The following MAMDC2 variants were observed in gnomAD, a reference collection of about 807,000 sequenced individuals.
MAMDC2 encodes MAM domain containing 2, also known as MAM domain-containing protein 2.
MAMDC2 carries 57 observed loss-of-function variants against 89.8 expected under a neutral mutation model. The observed-to-expected ratio is 0.63, with a 90% CI of 0.51 to 0.79. The LOEUF is 0.79. Among genes scored for constraint, MAMDC2 ranks in the 30% least tolerant of loss-of-function variants. The pLI is 0.00. For synonymous variants in MAMDC2, 313 were observed against 293.4 expected, an observed-to-expected ratio of 1.07 and a Z score of -0.68; for missense variants, 800 against 820.6, an observed-to-expected ratio of 0.97 and a Z score of 0.31.
intron 11 of MAMDC2, among the ~76,000 whole-genome samples, chr9:70,177,241 AG>A (rs1352504986): frequency 6.6e-6 from 1 of 152,170 alleles, no homozygotes; most frequent in Non-Finnish European, 1.5e-5. Flanking sequence ...AATAAAATAA[AG>A]GTTACTTGGA....
At chr9:70,117,769 T>C (rs549430248) in intron 5 of MAMDC2, among the ~76,000 whole-genome samples, 1 of 144,504 alleles carries the variant, frequency 6.9e-6, no homozygotes, top group East Asian at 2.2e-4. Context: ...CTGGGGAAAC[T>C]CTGCATTAAA....
rs913121871 is a variant in MAMDC2, at chr9:70,072,791, CA to C, written c.148+28101del. ...AAAAAAGTACACTAAAAATTAAAGG[CA>C]AAAAAAGCAAATTTTTTTTAAAAAA... On this transcript the variant is annotated intron_variant, in intron 2 of 13. Coordinates refer to ENST00000377182, the MANE Select transcript of MAMDC2 (RefSeq NM_153267.5). Among the ~76,000 whole-genome samples the C allele has an allele frequency of 6.6e-5, 10 of 151,864 alleles. No homozygotes were observed. The East Asian group carries it at 1.9e-3, about 29-fold the overall frequency.
At chr9:70,079,382 G>A (rs1367914115) in intron 2 of MAMDC2, 2 of 152,148 alleles carry the variant, frequency 1.3e-5, no homozygotes, top group Non-Finnish European at 2.9e-5. Context: ...ACAAATTCAT[G>A]ACATTATAAA....
chr9:70,090,159 A>G (rs531731878), intron 2 of MAMDC2, among the ~76,000 whole-genome samples: 1 of 151,798 alleles, frequency 6.6e-6, no homozygotes, highest in East Asian at 1.9e-4. Flanking sequence ...ACATAAAAAT[A>G]TCAGTGGCTT....
chr9:70,068,725 C>CAAAAAA (rs34946038), intron 2 of MAMDC2, among the ~76,000 whole-genome samples: 5 of 99,742 alleles, frequency 5.0e-5, no homozygotes, highest in Admixed American at 2.5e-4. Context: ...CCCTCCATCA[C>CAAAAAA]AAAAAAAAAA....
chr9:70,145,382 C>T (rs1002978654), intron 9 of MAMDC2, among the ~76,000 whole-genome samples: 4 of 152,188 alleles, frequency 2.6e-5, no homozygotes, highest in African/African-American at 9.7e-5. Context: ...GCCTTTCTTC[C>T]TATAAATGTC....
chr9:70,172,103 C>T (rs2032368744), intron 11 of MAMDC2: 1 of 152,166 alleles, frequency 6.6e-6, no homozygotes, highest in Non-Finnish European at 1.5e-5. Context: ...TTCCCCATGC[C>T]TTGGCAAATC....
chr9:70,062,052 G>C (rs1426629729), intron 2 of MAMDC2, among the ~76,000 whole-genome samples: 1 of 152,196 alleles, frequency 6.6e-6, no homozygotes, highest in African/African-American at 2.4e-5. Flanking sequence ...CTACCAGCCT[G>C]AGCAGCAGTC....
rs149710619 is a variant in MAMDC2 at position 70,077,229 on chromosome 9, G to T, written c.149-30982G>T. ...GACTGAAAAAGTATAAATTGATCAC[G>T]TCAAAGAATGAAGGAGTAGCTGATA... is the stretch of plus-strand genomic sequence containing the variant. On this transcript the variant is annotated intron_variant, in intron 2 of 13. Transcript: ENST00000377182. Among the ~76,000 whole-genome samples, 541 of 152,230 alleles carry T rather than the reference G, an allele frequency of 3.6e-3. 1 individual carries two copies. The highest frequency in any genetic ancestry group is 0.012 in the African/African-American group (517 of 41,546).
intron 2 of MAMDC2, among the ~76,000 whole-genome samples, chr9:70,100,927 TGAG>T (rs1828171878): frequency 6.6e-6 from 1 of 152,232 alleles, no homozygotes; most frequent in South Asian, 2.1e-4. Flanking sequence ...CCTTTGATGA[TGAG>T]AACAGAAATT....
chr9:70,085,340 C>T (rs1452001798), intron 2 of MAMDC2, among the ~76,000 whole-genome samples: 2 of 151,976 alleles, frequency 1.3e-5, no homozygotes, highest in Non-Finnish European at 2.9e-5. Context: ...TTCATTCCAT[C>T]AAGGGGTGGT....
At chr9:70,054,478 A>G (rs1201780692) in intron 2 of MAMDC2, among the ~76,000 whole-genome samples, 2 of 152,182 alleles carry the variant, frequency 1.3e-5, no homozygotes, top group Non-Finnish European at 2.9e-5. Flanking sequence ...AACAAATGGG[A>G]AATGTCAATA....
At chr9:70,054,578 T>A (rs1826984589) in intron 2 of MAMDC2, among the ~76,000 whole-genome samples, 1 of 152,122 alleles carries the variant, frequency 6.6e-6, no homozygotes, top group African/African-American at 2.4e-5. Context: ...ATGAAAGTTT[T>A]ATTTTTTTTT....
At chr9:70,106,689 T>G (rs994937376) in intron 2 of MAMDC2, among the ~76,000 whole-genome samples, 1 of 152,180 alleles carries the variant, frequency 6.6e-6, no homozygotes, top group East Asian at 1.9e-4. Context: ...AAGGGCCAGA[T>G]TTCTCCACAA....
chr9:70,071,581 A>G lies in MAMDC2; in HGVS notation c.148+26884A>G, dbSNP rs983503960. 10 of 152,288 alleles carry G rather than the reference A, an allele frequency of 6.6e-5. No individual in the cohort carries two copies. In the South Asian group the frequency reaches 1.5e-3, roughly 22 times the overall value. The allele number at this position is 152,288 out of a possible 1,614,324, so 9.4% of individuals were successfully genotyped here. A position where few individuals can be genotyped will look rare whatever the true frequency, so the allele number is the denominator to read the frequency against. ...AGTGTTTTGTGAACCTTAATATTCT[A>G]TACATACGTGAGGTGTTATTTTTAT... On this transcript the variant is annotated intron_variant, in intron 2 of 13. Transcript: ENST00000377182.
intron 6 of MAMDC2, among the ~76,000 whole-genome samples, chr9:70,126,826 G>GTT (rs751533996): frequency 1.0e-4 from 13 of 124,562 alleles, no homozygotes; most frequent in South Asian, 2.7e-4. Flanking sequence ...TGAGTGAACT[G>GTT]TTTTTTTTTT....
At chr9:70,179,632 A>C (rs2032591073) in intron 11 of MAMDC2, among the ~76,000 whole-genome samples, 1 of 151,274 alleles carries the variant, frequency 6.6e-6, no homozygotes, top group African/African-American at 2.4e-5. Context: ...AAAAAAAAAA[A>C]AAACAAAAGC....
chr9:70,044,848 C>A, intron 2 of MAMDC2, 151 bp downstream of exon 2: 1 of 714,974 alleles, frequency 1.4e-6, no homozygotes, highest in Non-Finnish European at 2.4e-6. Flanking sequence ...CTCAGCTGTG[C>A]TGCAAGGGAT....
At chr9:70,156,638 T>C (rs1268415109) in intron 9 of MAMDC2, among the ~76,000 whole-genome samples, 2 of 152,194 alleles carry the variant, frequency 1.3e-5, no homozygotes, top group Non-Finnish European at 2.9e-5. Context: ...TAAGGTGGCT[T>C]TGTACACAGA....
Sources: allele counts gnomAD v4.1 joint callset (sites outside exome capture counted in the v4.1 genomes callset), GRCh38; gene constraint gnomAD v4.1.1; transcripts MANE v1.5; gene names NCBI Gene and HGNC (gene_info 2026-07-23, HGNC 2026-07-21).